TUT4: variants seen among roughly 807,000 people sequenced by gnomAD.
The protein encoded by TUT4 is terminal uridylyl transferase 4.
Under a neutral mutation model 192.2 loss-of-function variants are expected in TUT4, and 36 were observed. That is an observed-to-expected ratio of 0.19 (90% confidence interval 0.14 to 0.25). The LOEUF (loss-of-function observed/expected upper bound fraction) is 0.25. TUT4 is among the 10% of genes least tolerant of loss of function. The probability of loss-of-function intolerance (pLI) is 1.00; values close to 1 mark genes in which losing one functional copy is unlikely to be tolerated. For synonymous variants in TUT4, 618 were observed against 666.0 expected, an observed-to-expected ratio of 0.93 and a Z score of 1.11; for missense variants, 1,493 against 1,957.2, an observed-to-expected ratio of 0.76 and a Z score of 4.47.
intron 24 of TUT4, among the ~76,000 whole-genome samples, chr1:52,439,059 G>A (rs1020005700): frequency 5.7e-5 from 7 of 121,838 alleles, no homozygotes; most frequent in African/African-American, 2.2e-4. Context: ...GACACAGCAA[G>A]ACTCCATCTA....
At chr1:52,447,569 G>A (rs759155099) in intron 20 of TUT4, among the ~76,000 whole-genome samples, 1 of 151,480 alleles carries the variant, frequency 6.6e-6, no homozygotes, top group Non-Finnish European at 1.5e-5. Context: ...GTCCTAAGGA[G>A]AAGAAAAAAG....
At position 52,451,559 on chromosome 1, in the gene TUT4, C is replaced by T. The variant is rs1450787972; in HGVS notation, c.3436-4892G>A. Among the ~76,000 whole-genome samples, 4 of 151,758 alleles carry T rather than the reference C, an allele frequency of 2.6e-5. No homozygotes were observed. In the South Asian group the frequency reaches 8.3e-4, roughly 32 times the overall value. On this transcript the variant is annotated intron_variant, in intron 20 of 29. Coordinates refer to ENST00000257177, the MANE Select transcript of TUT4 (RefSeq NM_001009881.3). ...TAATTCCTTAAAAGACACAATATACCAGCCAGGGGCGGTGGCTCACGCCTG... is the reference window on the plus strand; with the variant it reads ...TAATTCCTTAAAAGACACAATATACTAGCCAGGGGCGGTGGCTCACGCCTG...
rs1488678380 is a variant in TUT4 at position 52,516,051 on chromosome 1, T to C, written c.722A>G (p.Lys241Arg). The C allele has an allele frequency of 6.2e-7, 1 of 1,612,348 alleles. No homozygotes were observed. Among genetic ancestry groups the C allele is most frequent in the Non-Finnish European group, 8.5e-7 (1 of 1,179,162 alleles). The change falls in exon 3 of 30, where the codon AAA (lysine) becomes AGA (arginine). Residue 241 changes from lysine to arginine, a missense_variant. Lys to Arg is a conservative substitution (Grantham distance 26). Transcript: ENST00000257177. ...GIEDVSDDLS[K>R]MKNDESNKEN... ...TTTATTAGATTCATCATTCTTCATT[T>C]TACCTAGAAAAGAAAGCAATCACTC...
At chr1:52,485,047 A>ACT (rs1186565693) in intron 9 of TUT4, among the ~76,000 whole-genome samples, 2 of 152,090 alleles carry the variant, frequency 1.3e-5, no homozygotes, top group African/African-American at 4.8e-5. Flanking sequence ...TGAAAGCAGG[A>ACT]CTCTGTATGT....
chr1:52,545,308 T>C (rs1490584828), intron 1 of TUT4, among the ~76,000 whole-genome samples: 12 of 149,120 alleles, frequency 8.0e-5, no homozygotes, highest in African/African-American at 3.0e-4. Flanking sequence ...GCCTGGGAGC[T>C]GGAGATTGTG....
At chr1:52,460,592 A>G (rs1034273009) in intron 19 of TUT4, among the ~76,000 whole-genome samples, 45 of 152,158 alleles carry the variant, frequency 3.0e-4, no homozygotes, top group African/African-American at 9.4e-4. Context: ...TTCCACTAAC[A>G]CATTAATAAA....
At chr1:52,448,321 C>T (rs1408045156) in intron 20 of TUT4, among the ~76,000 whole-genome samples, 2 of 152,174 alleles carry the variant, frequency 1.3e-5, no homozygotes, top group African/African-American at 4.8e-5. Context: ...GGCGCAGTGG[C>T]TCATGCCTGT....
rs200594459 is a variant in TUT4, at chr1:52,525,543, C to G, written c.718+20G>C. 1.9e-5 allele frequency: 30 copies of G among 1,586,364 alleles called. No individual in the cohort carries two copies. The highest frequency in any genetic ancestry group is 2.3e-5 in the Non-Finnish European group (27 of 1,167,222). Reference sequence around the variant, plus strand: ...CTAAAGAACATTAATATACAAAAATCCCTCCAAAAAATGACTTACTTAAAT... The same window carrying G: ...CTAAAGAACATTAATATACAAAAATGCCTCCAAAAAATGACTTACTTAAAT... On this transcript the variant is annotated intron_variant, in intron 2 of 29. Coordinates refer to ENST00000257177, the MANE Select transcript of TUT4 (RefSeq NM_001009881.3).
At chr1:52,542,885 C>T (rs1053627613) in intron 1 of TUT4, among the ~76,000 whole-genome samples, 2 of 152,156 alleles carry the variant, frequency 1.3e-5, no homozygotes, top group Non-Finnish European at 2.9e-5. Flanking sequence ...CCTCACCCTC[C>T]CAAGTAGCTG....
chr1:52,469,231 T>C (rs568402517), intron 14 of TUT4, among the ~76,000 whole-genome samples: 5 of 152,136 alleles, frequency 3.3e-5, no homozygotes, highest in Non-Finnish European at 5.9e-5. Flanking sequence ...GGATGTAATG[T>C]AGACTGTGAC....
At chr1:52,486,810 T>C (rs1317154562) in intron 9 of TUT4, among the ~76,000 whole-genome samples, 1 of 152,168 alleles carries the variant, frequency 6.6e-6, no homozygotes, top group Non-Finnish European at 1.5e-5. Context: ...GAGCAACCTT[T>C]TCCAAGAGTC....
At chr1:52,453,127 G>A (rs867380204) in intron 20 of TUT4, among the ~76,000 whole-genome samples, 2 of 152,164 alleles carry the variant, frequency 1.3e-5, no homozygotes, top group Middle Eastern at 3.2e-3. Flanking sequence ...GCTCAGGCCT[G>A]TAATCCCAGC....
intron 3 of TUT4, among the ~76,000 whole-genome samples, chr1:52,511,481 G>T (rs1425737729): frequency 6.6e-6 from 1 of 152,182 alleles, no homozygotes; most frequent in Non-Finnish European, 1.5e-5. Context: ...ACGTTACAGT[G>T]TAAGGAGACA....
intron 20 of TUT4, among the ~76,000 whole-genome samples, chr1:52,456,852 GC>G (rs1661121560): frequency 6.6e-6 from 1 of 152,072 alleles, no homozygotes; most frequent in Non-Finnish European, 1.5e-5. Context: ...AATGTTAATT[GC>G]AAACTATGGA....
At chr1:52,522,842 C>T (rs1056225802) in intron 2 of TUT4, among the ~76,000 whole-genome samples, 2 of 151,980 alleles carry the variant, frequency 1.3e-5, no homozygotes. Context: ...AGGAGAATCG[C>T]TTGAACTCAG....
At chr1:52,476,730 T>C (rs1667186644) in intron 12 of TUT4, among the ~76,000 whole-genome samples, 1 of 152,122 alleles carries the variant, frequency 6.6e-6, no homozygotes, top group Admixed American at 6.5e-5. Flanking sequence ...TATATAAGAG[T>C]ACAAGATGTG....
intron 4 of TUT4, among the ~76,000 whole-genome samples, chr1:52,502,123 T>C (rs1191931731): frequency 1.3e-5 from 2 of 150,516 alleles, no homozygotes; most frequent in Non-Finnish European, 3.0e-5. Flanking sequence ...TTATATATAT[T>C]TTACCACAAT....
intron 28 of TUT4, among the ~76,000 whole-genome samples, chr1:52,430,280 T>C (rs992005502): frequency 3.9e-5 from 6 of 152,106 alleles, no homozygotes; most frequent in Non-Finnish European, 5.9e-5. Context: ...ATTTTTTTGG[T>C]TTCCTTGATC....
chr1:52,445,112 C>G (rs1261424176), intron 24 of TUT4, among the ~76,000 whole-genome samples: 4 of 150,784 alleles, frequency 2.7e-5, no homozygotes, highest in Admixed American at 2.0e-4. Context: ...CTAAGAGAAC[C>G]CTAATACATT....
Sources: allele counts gnomAD v4.1 joint callset (sites outside exome capture counted in the v4.1 genomes callset), GRCh38; gene constraint gnomAD v4.1.1; transcripts MANE v1.5; gene names NCBI Gene and HGNC (gene_info 2026-07-23, HGNC 2026-07-21).